The following UST variants were observed in gnomAD, a reference collection of about 807,000 sequenced individuals.
The protein encoded by UST is chondroitin sulfate 2-O-sulfotransferase.
A neutral mutation model predicts 45.6 loss-of-function variants in UST; 21 were observed. That is an observed-to-expected ratio of 0.46 (90% confidence interval 0.33 to 0.66). The LOEUF (loss-of-function observed/expected upper bound fraction) is 0.66, where lower values mean the gene tolerates loss of function less well. Among genes scored for constraint, UST ranks in the 30% least tolerant of loss-of-function variants. The pLI, the probability that UST is intolerant of heterozygous loss-of-function variation, is 0.02. For synonymous variants in UST, 215 were observed against 200.6 expected (o/e 1.07, Z -0.61); for missense variants, 463 against 512.4 (o/e 0.90, Z 0.93).
At chr6:149,006,555 A>T (rs1775698834) in intron 5 of UST, among the ~76,000 whole-genome samples, 1 of 152,192 alleles carries the variant, frequency 6.6e-6, no homozygotes, top group South Asian at 2.1e-4. Context: ...TGCAGTGAAC[A>T]TTTGCATGCA....
chr6:148,958,147 C>T (rs371531962), intron 4 of UST, among the ~76,000 whole-genome samples: 3 of 152,176 alleles, frequency 2.0e-5, no homozygotes, highest in Non-Finnish European at 4.4e-5. Flanking sequence ...AATGCGATCC[C>T]GTGAGCACTT....
chr6:148,888,885 G>C (rs1051339241), intron 2 of UST, among the ~76,000 whole-genome samples: 9 of 152,168 alleles, frequency 5.9e-5, no homozygotes, highest in Non-Finnish European at 8.8e-5. Context: ...TGTTCTCTCT[G>C]GGGATAAGGA....
At chr6:148,838,759 T>A (rs79324866) in intron 1 of UST, among the ~76,000 whole-genome samples, 1,975 of 152,070 alleles carry the variant, frequency 0.013, 38 homozygotes, top group African/African-American at 0.045. Context: ...TTTTTTTTAA[T>A]GATCACTTTG....
intron 1 of UST, among the ~76,000 whole-genome samples, chr6:148,761,978 G>A (rs999103258): frequency 2.6e-5 from 4 of 152,158 alleles, no homozygotes; most frequent in Non-Finnish European, 4.4e-5. Context: ...AAACCAAATG[G>A]CGCAGTGTCT....
At chr6:148,936,303 A>G (rs755773926) in intron 2 of UST, among the ~76,000 whole-genome samples, 9 of 152,150 alleles carry the variant, frequency 5.9e-5, no homozygotes, top group Admixed American at 3.9e-4. Flanking sequence ...TGTTGAATGG[A>G]TGAATTATTC....
chr6:149,061,175 G>A (rs1776650086), intron 7 of UST, among the ~76,000 whole-genome samples: 1 of 152,088 alleles, frequency 6.6e-6, no homozygotes, highest in Non-Finnish European at 1.5e-5. Flanking sequence ...TGCAGCAGCT[G>A]GGTTTATACA....
chr6:148,881,636 C>G (rs1043674046), intron 1 of UST, among the ~76,000 whole-genome samples: 1 of 152,094 alleles, frequency 6.6e-6, no homozygotes, highest in Admixed American at 6.5e-5. Context: ...TCTTCCCTTC[C>G]CCGAATTTAG....
chr6:148,747,711 G>T (rs750967960), intron 1 of UST, 34 bp downstream of exon 1: 9 of 1,553,642 alleles, frequency 5.8e-6, no homozygotes, highest in Non-Finnish European at 1.7e-6. Flanking sequence ...GGGCGGCGCC[G>T]ACAGCGCAAA....
chr6:148,817,790 T>A (rs1777383546), intron 1 of UST, among the ~76,000 whole-genome samples: 1 of 152,168 alleles, frequency 6.6e-6, no homozygotes, highest in African/African-American at 2.4e-5. Flanking sequence ...GCTGGAGAAG[T>A]ATCATGAGGC....
intron 1 of UST, among the ~76,000 whole-genome samples, chr6:148,789,453 TCACACACACA>T (rs58763326): frequency 0.084 from 11,248 of 134,282 alleles, 584 homozygotes; most frequent in Non-Finnish European, 0.12. Context: ...TCTCTCTCTC[TCACACACACA>T]CACACACACA....
At chr6:148,789,677 A>G (rs562495302) in intron 1 of UST, among the ~76,000 whole-genome samples, 1 of 151,874 alleles carries the variant, frequency 6.6e-6, no homozygotes, top group South Asian at 2.1e-4. Flanking sequence ...AGCCTCCCGT[A>G]ATTCAGAATT....
intron 1 of UST, among the ~76,000 whole-genome samples, chr6:148,865,782 G>T (rs1778418418): frequency 1.3e-5 from 2 of 151,724 alleles, no homozygotes; most frequent in South Asian, 4.2e-4. Context: ...AGAAAATGGG[G>T]ATAGGAATGG....
At chr6:148,976,902 C>G (rs1453193781) in intron 5 of UST, among the ~76,000 whole-genome samples, 1 of 151,938 alleles carries the variant, frequency 6.6e-6, no homozygotes, top group Non-Finnish European at 1.5e-5. Context: ...TTTATGGCTT[C>G]TGAGTTTTGT....
chr6:149,071,541 T>G (rs1463895069), intron 7 of UST, among the ~76,000 whole-genome samples: 3 of 152,066 alleles, frequency 2.0e-5, no homozygotes, highest in African/African-American at 7.2e-5. Context: ...AATTAAAAAC[T>G]TCTATATGTC....
intron 7 of UST, among the ~76,000 whole-genome samples, chr6:149,059,169 T>G (rs1776616979): frequency 6.6e-6 from 1 of 151,972 alleles, no homozygotes; most frequent in Middle Eastern, 3.2e-3. Flanking sequence ...ACCCTCAGCG[T>G]GTGTGTCTGG....
chr6:148,845,658 G>T (rs1777972108), intron 1 of UST, among the ~76,000 whole-genome samples: 1 of 152,110 alleles, frequency 6.6e-6, no homozygotes, highest in Admixed American at 6.5e-5. Flanking sequence ...TGTAATCCCT[G>T]GGTCATAGAG....
intron 1 of UST, among the ~76,000 whole-genome samples, chr6:148,772,071 A>G (rs1333885125): frequency 6.6e-6 from 1 of 152,272 alleles, no homozygotes; most frequent in Non-Finnish European, 1.5e-5. Context: ...AAGTGAAAGC[A>G]TAATATCAAA....
At chr6:148,950,383 C>A (rs1582917320) in intron 3 of UST, among the ~76,000 whole-genome samples, 1 of 152,170 alleles carries the variant, frequency 6.6e-6, no homozygotes, top group South Asian at 2.1e-4. Context: ...TGTATCTAAT[C>A]CTTACCCTTC....
chr6:148,838,114 A>G (rs1777823805), intron 1 of UST, among the ~76,000 whole-genome samples: 1 of 152,258 alleles, frequency 6.6e-6, no homozygotes, highest in Non-Finnish European at 1.5e-5. Context: ...GAGAGCAACT[A>G]GGGATAGAGT....
Sources: gnomAD v4.1 joint callset for allele counts (sites outside exome capture counted in the v4.1 genomes callset) on GRCh38, gnomAD v4.1.1 for gene constraint, MANE v1.5 for transcripts, NCBI Gene and HGNC (gene_info 2026-07-23, HGNC 2026-07-21) for gene names.